DPP10: variants seen among roughly 807,000 people sequenced by gnomAD.
DPP10 encodes inactive dipeptidyl peptidase 10.
DPP10 carries 33 observed loss-of-function variants against 120.9 expected under a neutral mutation model. The observed-to-expected ratio is 0.27, with a 90% CI of 0.21 to 0.37. The LOEUF is 0.37. DPP10 is among the 10% of genes least tolerant of loss of function. The pLI is 1.00. For missense variants in DPP10, 816 were observed against 942.8 expected (o/e 0.87, Z 1.76); for synonymous variants, 337 against 326.1 (o/e 1.03, Z -0.36).
intron 1 of DPP10, among the ~76,000 whole-genome samples, chr2:114,554,863 C>A (rs1028323031): frequency 6.6e-6 from 1 of 152,156 alleles, no homozygotes; most frequent in African/African-American, 2.4e-5. Flanking sequence ...TTTGCTACCA[C>A]CCTCAACTCA....
chr2:115,002,505 A>G (rs1368408885), intron 1 of DPP10, among the ~76,000 whole-genome samples: 1 of 146,620 alleles, frequency 6.8e-6, no homozygotes, highest in Admixed American at 6.9e-5. Context: ...CAGCAAAAAC[A>G]AAAATTGATA....
At chr2:114,646,912 T>C (rs1696181776) in intron 1 of DPP10, among the ~76,000 whole-genome samples, 2 of 152,178 alleles carry the variant, frequency 1.3e-5, no homozygotes, top group Admixed American at 1.3e-4. Context: ...CTAGGAGTAG[T>C]GAATGCCTAC....
chr2:115,384,687 G>T (rs931971249), intron 3 of DPP10, among the ~76,000 whole-genome samples: 1 of 144,044 alleles, frequency 6.9e-6, no homozygotes, highest in Non-Finnish European at 1.5e-5. Context: ...AGAAGAGGAA[G>T]AAGAAGAAAA....
Position 115,780,860 on chromosome 2 carries a change from TTTTC to T in DPP10, c.1362-8_1362-5del, listed in dbSNP as rs779836862. On this transcript the variant is annotated splice_polypyrimidine_tract_variant and intron_variant, in intron 15 of 25. Coordinates refer to ENST00000410059, the MANE Select transcript of DPP10 (RefSeq NM_020868.6). The stretch of plus-strand genomic sequence containing the variant: ...AGTAGCATTTCTATAATAACTTCCT[TTTTC>T]TTTCTCCAGTGCTTCTACTGAAGGA... The T allele has an allele frequency of 1.3e-6, 2 of 1,594,924 alleles. No individual in the cohort carries two copies. The highest frequency in any genetic ancestry group is 1.7e-6 in the Non-Finnish European group (2 of 1,169,320).
chr2:115,800,765 T>A (rs1180793518), intron 19 of DPP10, among the ~76,000 whole-genome samples: 1 of 152,176 alleles, frequency 6.6e-6, no homozygotes, highest in Non-Finnish European at 1.5e-5. Context: ...GCATTATTTC[T>A]GAGGCTCTGT....
chr2:115,516,574 G>GTT (rs5833606), intron 4 of DPP10, among the ~76,000 whole-genome samples: 1,700 of 138,188 alleles, frequency 0.012, 21 homozygotes, highest in African/African-American at 0.018. Context: ...GTTATTCTTT[G>GTT]TTTTTTTTTT....
In DPP10 at chr2:115,554,001, TCACACACACA is replaced by T. The variant is rs71881888; in HGVS notation, c.441+28061_441+28070del. ...CGACACCTATCTCTCTCTCTCTCTT[TCACACACACA>T]CACACACACACACACACACACACAC... On this transcript the variant is annotated intron_variant, in intron 5 of 25. Coordinates refer to ENST00000410059, the MANE Select transcript of DPP10 (RefSeq NM_020868.6). Among the ~76,000 whole-genome samples, 1,103 of 135,560 alleles carry T rather than the reference TCACACACACA, an allele frequency of 8.1e-3. 11 individuals are homozygous for T. The highest frequency in any genetic ancestry group is 0.028 in the African/African-American group (1,021 of 36,886). 88.9% of individuals were successfully genotyped at this position (135,560 alleles called of 152,430 possible). A position where few individuals can be genotyped will look rare whatever the true frequency, so the allele number is the denominator to read the frequency against.
intron 19 of DPP10, among the ~76,000 whole-genome samples, chr2:115,795,976 A>G (rs983865715): frequency 3.2e-4 from 48 of 152,202 alleles, no homozygotes; most frequent in African/African-American, 9.1e-4. Flanking sequence ...CAAAATCCAT[A>G]TCTGAGAATG....
chr2:114,848,542 A>G (rs1253910462), intron 1 of DPP10, among the ~76,000 whole-genome samples: 1 of 152,196 alleles, frequency 6.6e-6, no homozygotes, highest in African/African-American at 2.4e-5. Flanking sequence ...AGGACAATAA[A>G]CAATAAAACT....
intron 3 of DPP10, among the ~76,000 whole-genome samples, chr2:115,382,790 T>C (rs1282497892): frequency 6.6e-6 from 1 of 152,168 alleles, no homozygotes; most frequent in African/African-American, 2.4e-5. Flanking sequence ...ATTATTCTTT[T>C]TAAAAAGGCT....
At chr2:114,701,425 CT>C (rs1700378507) in intron 1 of DPP10, among the ~76,000 whole-genome samples, 1 of 152,080 alleles carries the variant, frequency 6.6e-6, no homozygotes, top group Non-Finnish European at 1.5e-5. Flanking sequence ...TAATTAAGCC[CT>C]TCAGACCAGT....
At chr2:115,531,275 T>C (rs557108612) in intron 5 of DPP10, among the ~76,000 whole-genome samples, 105 of 151,266 alleles carry the variant, frequency 6.9e-4, no homozygotes, top group Middle Eastern at 6.8e-3. Flanking sequence ...ACTCTAGGAG[T>C]GGGCCCAGCA....
chr2:114,625,230 G>A (rs1024877006), intron 1 of DPP10, among the ~76,000 whole-genome samples: 2 of 151,846 alleles, frequency 1.3e-5, no homozygotes, highest in Non-Finnish European at 2.9e-5. Flanking sequence ...TGTGTGTCCG[G>A]CAGTTTCACC....
intron 1 of DPP10, among the ~76,000 whole-genome samples, chr2:115,202,036 A>G (rs2055769401): frequency 6.6e-6 from 1 of 152,126 alleles, no homozygotes; most frequent in South Asian, 2.1e-4. Context: ...GTGCATTCTT[A>G]AGATGCTATT....
chr2:114,610,691 G>A (rs894469456), intron 1 of DPP10, among the ~76,000 whole-genome samples: 4 of 152,012 alleles, frequency 2.6e-5, no homozygotes, highest in Non-Finnish European at 1.5e-5. Flanking sequence ...GTCTGGTGAC[G>A]GCAACTCTCT....
At position 114,502,231 on chromosome 2, in the gene DPP10, G is replaced by A. The variant is rs1314009378; in HGVS notation, c.60+59393G>A. 1.3e-5 allele frequency among the ~76,000 whole-genome samples: 2 copies of A among 152,118 alleles called. 1 individual carries two copies. The highest frequency in any genetic ancestry group is 3.9e-4 in the East Asian group (2 of 5,188). On this transcript the variant is annotated intron_variant, in intron 1 of 25. Transcript: ENST00000410059. ...GCCTCCCAAAGTGCTGGGATAACAGGCGTGAGCCACTGCACCCAGCCAAAA... is the reference window on the plus strand; with the variant it reads ...GCCTCCCAAAGTGCTGGGATAACAGACGTGAGCCACTGCACCCAGCCAAAA...
intron 5 of DPP10, among the ~76,000 whole-genome samples, chr2:115,568,700 C>CT (rs2081167957): frequency 1.3e-5 from 2 of 152,000 alleles, no homozygotes; most frequent in Non-Finnish European, 2.9e-5. Flanking sequence ...TGCTCATTCC[C>CT]ATGGAGTTAA....
At chr2:115,689,987 A>G (rs2091222930) in intron 7 of DPP10, 66 bp downstream of exon 7, 14 of 1,497,726 alleles carry the variant, frequency 9.3e-6, no homozygotes, top group Non-Finnish European at 1.3e-5. Flanking sequence ...TGTTAACTGA[A>G]ACTTTGGAAA....
At chr2:115,502,572 G>A (rs957776279) in intron 4 of DPP10, among the ~76,000 whole-genome samples, 16 of 152,224 alleles carry the variant, frequency 1.1e-4, no homozygotes, top group South Asian at 2.1e-4. Context: ...CAGTGACCAC[G>A]GCTGAAAATA....
Sources: gnomAD v4.1 joint callset for allele counts (sites outside exome capture counted in the v4.1 genomes callset) on GRCh38, gnomAD v4.1.1 for gene constraint, MANE v1.5 for transcripts, NCBI Gene and HGNC (gene_info 2026-07-23, HGNC 2026-07-21) for gene names.